Variants in ZNF385D observed in about 807,000 individuals in gnomAD.
ZNF385D encodes the protein zinc finger protein 385D, also known as zinc finger protein 659.
A neutral mutation model predicts 35.8 loss-of-function variants in ZNF385D; 15 were observed. That is an observed-to-expected ratio of 0.42 (90% CI 0.28 to 0.64). The LOEUF is 0.64. ZNF385D is among the 30% of genes least tolerant of loss of function. ZNF385D has a pLI of 0.23. For missense variants in ZNF385D, 474 were observed against 494.6 expected (o/e 0.96, Z 0.39); for synonymous variants, 212 against 186.8 (o/e 1.13, Z -1.10).
chr3:21,716,424 T>G (rs1245886216), intron 1 of ZNF385D, among the ~76,000 whole-genome samples: 2 of 152,104 alleles, frequency 1.3e-5, no homozygotes, highest in Admixed American at 1.3e-4. Context: ...CTGAAGCACA[T>G]CTCCTATAAC....
chr3:21,805,929 A>G (rs181019380), intron 3 of ZNF385D, among the ~76,000 whole-genome samples: 3 of 152,302 alleles, frequency 2.0e-5, no homozygotes, highest in African/African-American at 4.8e-5. Context: ...CCTGCAATAG[A>G]CTACAAGATG....
intron 3 of ZNF385D, among the ~76,000 whole-genome samples, chr3:22,076,040 C>T (rs1824978): frequency 0.12 from 18,904 of 151,860 alleles, 1,392 homozygotes; most frequent in Middle Eastern, 0.22. Context: ...GCTTTGTCTC[C>T]CCCATTACCA....
chr3:21,665,141 A>T (rs1298700552), intron 1 of ZNF385D, 113 bp from the exon 2 acceptor site: 1 of 1,352,094 alleles, frequency 7.4e-7, no homozygotes, highest in East Asian at 2.5e-5. Flanking sequence ...AAAAAACAAG[A>T]CATGGACTCT....
At chr3:21,878,777 C>T (rs558729629) in intron 3 of ZNF385D, among the ~76,000 whole-genome samples, 30 of 152,160 alleles carry the variant, frequency 2.0e-4, no homozygotes, top group Admixed American at 1.3e-4. Context: ...AGCTGTAACA[C>T]GACATGCCTG....
chr3:21,624,258 T>C (rs1183602459), intron 2 of ZNF385D, among the ~76,000 whole-genome samples: 1 of 152,086 alleles, frequency 6.6e-6, no homozygotes, highest in African/African-American at 2.4e-5. Context: ...GCTTCCCAGC[T>C]TGGCCACAAA....
intron 3 of ZNF385D, among the ~76,000 whole-genome samples, chr3:21,827,732 TTCTC>T (rs1194518387): frequency 3.9e-5 from 6 of 152,178 alleles, no homozygotes; most frequent in Non-Finnish European, 8.8e-5. Flanking sequence ...AAAAGAGTAA[TTCTC>T]TCAGGAATTA....
intron 2 of ZNF385D, among the ~76,000 whole-genome samples, chr3:21,657,381 G>A (rs1055414690): frequency 2.0e-5 from 3 of 151,916 alleles, no homozygotes; most frequent in African/African-American, 7.2e-5. Context: ...GTCATTTTGT[G>A]CTTCGAGGTC....
intron 2 of ZNF385D, among the ~76,000 whole-genome samples, chr3:21,621,240 T>A (rs911017864): frequency 6.6e-6 from 1 of 152,122 alleles, no homozygotes; most frequent in African/African-American, 2.4e-5. Flanking sequence ...TGCAAAAAAT[T>A]ACATTTATAA....
At chr3:22,073,876 G>T (rs4858376) in intron 3 of ZNF385D, among the ~76,000 whole-genome samples, 6 of 151,788 alleles carry the variant, frequency 4.0e-5, no homozygotes, top group African/African-American at 1.5e-4. Context: ...CAGCCTTTAC[G>T]ATTGTTTTAT....
At chr3:21,531,953 G>A (rs894572831) in intron 3 of ZNF385D, among the ~76,000 whole-genome samples, 1 of 152,166 alleles carries the variant, frequency 6.6e-6, no homozygotes, top group Non-Finnish European at 1.5e-5. Flanking sequence ...TTCTAGAGGG[G>A]AATATTGATA....
intron 3 of ZNF385D, among the ~76,000 whole-genome samples, chr3:21,850,059 A>G (rs986265134): frequency 2.6e-5 from 4 of 152,082 alleles, no homozygotes; most frequent in African/African-American, 7.2e-5. Context: ...TTGTTTATTG[A>G]GTTTAAATAG....
chr3:21,963,359 T>C (rs752216676), intron 3 of ZNF385D, among the ~76,000 whole-genome samples: 25 of 152,166 alleles, frequency 1.6e-4, no homozygotes, highest in Middle Eastern at 3.2e-3. Context: ...CTTTTTCAGA[T>C]TGTGATCAAC....
chr3:21,826,839 A>C (rs75644310), intron 3 of ZNF385D, among the ~76,000 whole-genome samples: 17 of 128,316 alleles, frequency 1.3e-4, no homozygotes, highest in African/African-American at 2.4e-4. Context: ...AAAAAAAAAA[A>C]CTCTCCTGTA....
chr3:21,882,672 A>G (rs531289303), intron 3 of ZNF385D, among the ~76,000 whole-genome samples: 5 of 152,152 alleles, frequency 3.3e-5, no homozygotes, highest in Middle Eastern at 3.4e-3. Context: ...TGATTCTCAG[A>G]CATTATAGTT....
chr3:21,755,045 T>C (rs748256126), upstream of ZNF385D, among the ~76,000 whole-genome samples: 2 of 152,324 alleles, frequency 1.3e-5, no homozygotes, highest in South Asian at 2.1e-4. Flanking sequence ...AGATGCCAGA[T>C]GGTACTGCAG....
At chr3:22,088,829 T>A (rs753117624) in intron 3 of ZNF385D, among the ~76,000 whole-genome samples, 5 of 152,230 alleles carry the variant, frequency 3.3e-5, no homozygotes, top group East Asian at 1.9e-4. Context: ...CCAATGAGAA[T>A]TGAGATTAAT....
At chr3:21,587,622 A>AAACTT (rs1197367974) in intron 2 of ZNF385D, among the ~76,000 whole-genome samples, 4 of 152,172 alleles carry the variant, frequency 2.6e-5, no homozygotes, top group African/African-American at 9.7e-5. Context: ...GATATGTAAG[A>AAACTT]AACTTAAAAT....
At chr3:21,549,450 G>A (rs1374487909) in intron 3 of ZNF385D, among the ~76,000 whole-genome samples, 1 of 152,136 alleles carries the variant, frequency 6.6e-6, no homozygotes, top group Non-Finnish European at 1.5e-5. Context: ...AGAGTTGGGG[G>A]TTCCACTCAA....
chr3:22,180,056 G>A (rs185147250), intron 2 of ZNF385D, among the ~76,000 whole-genome samples: 2,701 of 152,060 alleles, frequency 0.018, 67 homozygotes, highest in South Asian at 0.12. Flanking sequence ...TAATAAAGAA[G>A]AAAAGAGAGA....
Sources: allele counts gnomAD v4.1 joint callset (sites outside exome capture counted in the v4.1 genomes callset), GRCh38; gene constraint gnomAD v4.1.1; transcripts MANE v1.5; gene names NCBI Gene and HGNC (gene_info 2026-07-23, HGNC 2026-07-21).